Variants in PDZRN3 observed in about 807,000 individuals in gnomAD.
PDZRN3 encodes PDZ domain containing ring finger 3.
In PDZRN3, 38 loss-of-function variants were observed where a neutral mutation model predicts 85.7. The observed-to-expected ratio is 0.44, with a 90% CI of 0.34 to 0.58. PDZRN3 has a LOEUF of 0.58. Among genes scored for constraint, PDZRN3 ranks in the 20% least tolerant of loss-of-function variants. PDZRN3 has a pLI of 0.01. For missense variants in PDZRN3, 1,629 were observed against 1,506.4 expected, an observed-to-expected ratio of 1.08 and a Z score of -1.35; for synonymous variants, 759 against 638.0, an observed-to-expected ratio of 1.19 and a Z score of -2.86.
intron 3 of PDZRN3, among the ~76,000 whole-genome samples, chr3:73,554,030 C>T (rs1287259489): frequency 7.2e-5 from 11 of 152,148 alleles, no homozygotes; most frequent in Admixed American, 7.2e-4. Context: ...AAGTAGAGGC[C>T]CATGAGGCCT....
At chr3:73,448,208 C>G (rs905007224) in intron 3 of PDZRN3, among the ~76,000 whole-genome samples, 3 of 152,174 alleles carry the variant, frequency 2.0e-5, no homozygotes, top group African/African-American at 7.2e-5. Flanking sequence ...GCTTCTTTAG[C>G]ACATGCCATT....
intron 1 of PDZRN3, among the ~76,000 whole-genome samples, chr3:73,614,885 C>G (rs1410113154): frequency 1.3e-5 from 2 of 152,100 alleles, no homozygotes; most frequent in Non-Finnish European, 2.9e-5. Flanking sequence ...TGTAATTCAA[C>G]CCAGCTCTAA....
intron 1 of PDZRN3, among the ~76,000 whole-genome samples, chr3:73,622,332 G>C (rs1702878846): frequency 6.6e-6 from 1 of 152,242 alleles, no homozygotes; most frequent in Non-Finnish European, 1.5e-5. Context: ...CGTAAGGAAA[G>C]GGGGCTGGGA....
intron 3 of PDZRN3, among the ~76,000 whole-genome samples, chr3:73,525,575 G>A (rs1340816186): frequency 6.6e-6 from 1 of 152,220 alleles, no homozygotes; most frequent in African/African-American, 2.4e-5. Flanking sequence ...GAGCTGCAGA[G>A]TTCTTCTTCC....
chr3:73,563,189 T>G (rs969598257), intron 3 of PDZRN3, among the ~76,000 whole-genome samples: 86 of 148,074 alleles, frequency 5.8e-4, no homozygotes, highest in Non-Finnish European at 9.3e-4. Context: ...CGGCTATTTT[T>G]TTTTTGTTGT....
intron 3 of PDZRN3, among the ~76,000 whole-genome samples, chr3:73,422,143 T>C (rs1412046816): frequency 6.6e-6 from 1 of 152,256 alleles, no homozygotes; most frequent in Non-Finnish European, 1.5e-5. Context: ...GACTTTTCTT[T>C]CCATTGTACT....
chr3:73,424,678 T>A (rs1313633846), intron 3 of PDZRN3, among the ~76,000 whole-genome samples: 1 of 149,732 alleles, frequency 6.7e-6, no homozygotes, highest in African/African-American at 2.5e-5. Flanking sequence ...AGAGGAAAAA[T>A]CCAACAGAGA....
At chr3:73,432,971 T>C (rs1369887450) in intron 3 of PDZRN3, among the ~76,000 whole-genome samples, 1 of 152,180 alleles carries the variant, frequency 6.6e-6, no homozygotes, top group Admixed American at 6.5e-5. Flanking sequence ...GTAAGATAAA[T>C]TATCTGGGTT....
chr3:73,556,252 A>C (rs950062649), intron 3 of PDZRN3, among the ~76,000 whole-genome samples: 4 of 152,080 alleles, frequency 2.6e-5, no homozygotes, highest in Non-Finnish European at 5.9e-5. Context: ...TCGAAAGTTA[A>C]GATATTTTTT....
At chr3:73,586,353 C>T (rs1702276959) in intron 3 of PDZRN3, among the ~76,000 whole-genome samples, 2 of 152,214 alleles carry the variant, frequency 1.3e-5, no homozygotes, top group Admixed American at 1.3e-4. Context: ...TCATGACATA[C>T]TGTCACCTGC....
chr3:73,547,514 C>T (rs781136089), intron 3 of PDZRN3, among the ~76,000 whole-genome samples: 6 of 152,164 alleles, frequency 3.9e-5, no homozygotes, highest in Non-Finnish European at 5.9e-5. Flanking sequence ...GGTAGATGAG[C>T]GGCACTGCTT....
chr3:73,383,497 T>C lies in PDZRN3; in HGVS notation c.3069A>G (p.Lys1023=), dbSNP rs1184011550. The change falls in exon 10 of 10, where the codon AAA becomes AAG. Residue 1023 remains lysine, a synonymous_variant. Coordinates refer to ENST00000263666, the MANE Select transcript of PDZRN3 (RefSeq NM_015009.3). ...TCTTATTCCTCTTCTTCATCATCTT[T>C]TTGTGGCTCAGTTCGAGAATGTTCA... The part of the protein sequence containing the change: ...KEMNILELSH[K]KMMKKRNKKI... 1 of 1,614,186 alleles carries C rather than the reference T, an allele frequency of 6.2e-7. No individual in the cohort carries two copies. Among genetic ancestry groups the C allele is most frequent in the Non-Finnish European group, 8.5e-7 (1 of 1,180,014 alleles).
intron 4 of PDZRN3, among the ~76,000 whole-genome samples, chr3:73,403,307 A>G (rs1358054584): frequency 2.0e-5 from 3 of 152,224 alleles, no homozygotes; most frequent in Admixed American, 6.5e-5. Context: ...AGTCTATCAC[A>G]GAAAGTGTCT....
intron 3 of PDZRN3, among the ~76,000 whole-genome samples, chr3:73,526,576 C>T (rs981278794): frequency 1.3e-5 from 2 of 152,312 alleles, no homozygotes; most frequent in Admixed American, 1.3e-4. Flanking sequence ...AGCCATGAAA[C>T]AAAAGCTTAT....
rs777769976 is a variant in PDZRN3, at chr3:73,602,340, C to T, written c.918+14G>A. 46 of 1,353,444 alleles carry T rather than the reference C, an allele frequency of 3.4e-5. No homozygotes were observed. Among genetic ancestry groups the T allele is most frequent in the East Asian group, 4.6e-5 (2 of 43,756 alleles). The allele number at this position is 1,353,444 out of a possible 1,614,324, so 83.8% of individuals were successfully genotyped here. On this transcript the variant is annotated intron_variant, in intron 3 of 9. Coordinates refer to ENST00000263666, the MANE Select transcript of PDZRN3 (RefSeq NM_015009.3). ...ATTCAGCCTATTCAAAGACACTGGC[C>T]AGTATTCACATACCTCAATAATCCT... is the stretch of plus-strand genomic sequence containing the variant.
intron 3 of PDZRN3, among the ~76,000 whole-genome samples, chr3:73,529,596 T>G (rs191850639): frequency 6.6e-6 from 1 of 152,228 alleles, no homozygotes; most frequent in African/African-American, 2.4e-5. Flanking sequence ...GCAAAGCACT[T>G]TGTTAAGCAA....
intron 3 of PDZRN3, among the ~76,000 whole-genome samples, chr3:73,510,412 C>G (rs536662617): frequency 2.6e-5 from 4 of 152,236 alleles, no homozygotes; most frequent in African/African-American, 9.6e-5. Flanking sequence ...TATGAAGGCT[C>G]GCAGCACCAT....
At chr3:73,590,648 T>C (rs1702344736) in intron 3 of PDZRN3, among the ~76,000 whole-genome samples, 1 of 152,232 alleles carries the variant, frequency 6.6e-6, no homozygotes. Context: ...TATTAAAAAG[T>C]TTCAAGCTTT....
intron 3 of PDZRN3, among the ~76,000 whole-genome samples, chr3:73,579,667 T>C (rs559524499): frequency 1.3e-4 from 20 of 152,086 alleles, no homozygotes; most frequent in South Asian, 4.1e-4. Flanking sequence ...ACACTGCAAG[T>C]TGCCCCTGTG....
Sources: gnomAD v4.1 joint callset for allele counts (sites outside exome capture counted in the v4.1 genomes callset) on GRCh38, gnomAD v4.1.1 for gene constraint, MANE v1.5 for transcripts, NCBI Gene and HGNC (gene_info 2026-07-23, HGNC 2026-07-21) for gene names.